The following PTPRT variants were observed in gnomAD, a reference collection of about 807,000 sequenced individuals.
The protein encoded by PTPRT is receptor-type tyrosine-protein phosphatase T.
In PTPRT, 56 loss-of-function variants were observed where a neutral mutation model predicts 176.8. The ratio of observed to expected loss-of-function variants is 0.32; its 90% CI spans 0.26 to 0.40. The LOEUF (loss-of-function observed/expected upper bound fraction) is 0.40, where lower values mean the gene tolerates loss of function less well. Among genes scored for constraint, PTPRT ranks in the 10% least tolerant of loss-of-function variants. The pLI is 1.00. For synonymous variants in PTPRT, 783 were observed against 739.0 expected (o/e 1.06, Z -0.96); for missense variants, 1,540 against 1,908.2 (o/e 0.81, Z 3.60).
chr20:42,542,868 T>C (rs929522886), intron 7 of PTPRT, among the ~76,000 whole-genome samples: 1 of 152,208 alleles, frequency 6.6e-6, no homozygotes, highest in Non-Finnish European at 1.5e-5. Context: ...TAAAAGAAGG[T>C]ACTGAACAAG....
rs117820110 is a variant in PTPRT at position 42,641,404 on chromosome 20, T to C, written c.1153+36462A>G. ...GAGTATAGGATATATTGAAGAATTA[T>C]AGGTCTGCAAGAATTGTCTTTGATG... On this transcript the variant is annotated intron_variant, in intron 7 of 30. Coordinates refer to ENST00000373187, the MANE Select transcript of PTPRT (RefSeq NM_007050.6). Among the ~76,000 whole-genome samples, 272 of 152,246 alleles carry C rather than the reference T, an allele frequency of 1.8e-3. 4 individuals carry two copies. Among genetic ancestry groups the C allele is most frequent in the East Asian group, 0.012 (63 of 5,172 alleles).
At chr20:43,107,361 GA>G (rs949120573) in intron 1 of PTPRT, among the ~76,000 whole-genome samples, 6 of 152,162 alleles carry the variant, frequency 3.9e-5, no homozygotes, top group African/African-American at 1.2e-4. Flanking sequence ...GCAAGGAAAA[GA>G]AGAAAAATAA....
At chr20:43,168,348 C>T (rs538568840) in intron 1 of PTPRT, among the ~76,000 whole-genome samples, 25 of 152,132 alleles carry the variant, frequency 1.6e-4, no homozygotes, top group Non-Finnish European at 2.2e-4. Flanking sequence ...ATAATGACAG[C>T]ACCTGGCCTG....
At chr20:42,315,085 G>A (rs1219893438) in intron 12 of PTPRT, among the ~76,000 whole-genome samples, 1 of 130,250 alleles carries the variant, frequency 7.7e-6, no homozygotes, top group Non-Finnish European at 1.7e-5. Flanking sequence ...CACAAAAATG[G>A]TTACCTTGCG....
chr20:42,930,496 T>C (rs1259694363), intron 1 of PTPRT, among the ~76,000 whole-genome samples: 2 of 152,170 alleles, frequency 1.3e-5, no homozygotes, highest in Non-Finnish European at 2.9e-5. Context: ...TAATTTTTTT[T>C]TTTAGGAATA....
intron 16 of PTPRT, among the ~76,000 whole-genome samples, chr20:42,181,318 T>G (rs766950094): frequency 3.0e-4 from 46 of 151,972 alleles, no homozygotes; most frequent in South Asian, 1.0e-3. Context: ...GGACACAAAG[T>G]GGGTCTGAAG....
At chr20:42,374,640 T>C (rs1018507145) in intron 9 of PTPRT, among the ~76,000 whole-genome samples, 2 of 151,878 alleles carry the variant, frequency 1.3e-5, no homozygotes, top group Non-Finnish European at 2.9e-5. Context: ...GAACAGGAAA[T>C]TCACCAAGAT....
chr20:42,763,618 T>C (rs2076945354), intron 5 of PTPRT, among the ~76,000 whole-genome samples: 1 of 152,250 alleles, frequency 6.6e-6, no homozygotes, highest in Non-Finnish European at 1.5e-5. Context: ...GCGTATTCTT[T>C]TCACTTCTAG....
At chr20:42,143,540 GA>G (rs1373410735) in intron 17 of PTPRT, among the ~76,000 whole-genome samples, 1 of 146,806 alleles carries the variant, frequency 6.8e-6, no homozygotes, top group African/African-American at 2.5e-5. Flanking sequence ...CTGGGCGACA[GA>G]GCGAGACTCT....
intron 1 of PTPRT, among the ~76,000 whole-genome samples, chr20:43,114,713 TA>T (rs2012989457): frequency 6.6e-6 from 1 of 152,186 alleles, no homozygotes. Flanking sequence ...AAAACATAGA[TA>T]TGGTGCTAAA....
At chr20:42,875,941 T>A (rs2078922198) in intron 2 of PTPRT, among the ~76,000 whole-genome samples, 1 of 152,216 alleles carries the variant, frequency 6.6e-6, no homozygotes, top group African/African-American at 2.4e-5. Flanking sequence ...GTTACTATAT[T>A]TCAAGTACTT....
intron 1 of PTPRT, among the ~76,000 whole-genome samples, chr20:42,902,041 C>T (rs932919655): frequency 6.6e-6 from 1 of 152,134 alleles, no homozygotes; most frequent in Admixed American, 6.5e-5. Context: ...ATTCTTCCTT[C>T]CAAAGGCCTG....
chr20:42,970,614 AAAGC>A (rs572270913), intron 1 of PTPRT, among the ~76,000 whole-genome samples: 6 of 152,208 alleles, frequency 3.9e-5, no homozygotes, highest in Non-Finnish European at 8.8e-5. Context: ...GATTGTATTT[AAAGC>A]ATTTGGAATA....
chr20:43,130,003 A>G (rs948527039), intron 1 of PTPRT, among the ~76,000 whole-genome samples: 1 of 152,224 alleles, frequency 6.6e-6, no homozygotes, highest in Non-Finnish European at 1.5e-5. Flanking sequence ...AGACACAAGG[A>G]AAGAATTTAA....
intron 7 of PTPRT, among the ~76,000 whole-genome samples, chr20:42,654,166 T>G (rs2075082203): frequency 6.6e-6 from 1 of 151,968 alleles, no homozygotes; most frequent in African/African-American, 2.4e-5. Context: ...GAAATCAGGC[T>G]AGGTTTGGTG....
chr20:42,170,898 A>G (rs1245023995), intron 16 of PTPRT, among the ~76,000 whole-genome samples: 1 of 152,200 alleles, frequency 6.6e-6, no homozygotes, highest in African/African-American at 2.4e-5. Flanking sequence ...ACAACTTAAA[A>G]ATAGAGCCTA....
intron 13 of PTPRT, among the ~76,000 whole-genome samples, chr20:42,261,096 A>G (rs2056740115): frequency 6.6e-6 from 1 of 152,168 alleles, no homozygotes; most frequent in African/African-American, 2.4e-5. Flanking sequence ...AAGGACAGAA[A>G]TTTATTCCCT....
At chr20:42,091,989 T>A (rs2425468) in intron 27 of PTPRT, among the ~76,000 whole-genome samples, 1 of 152,006 alleles carries the variant, frequency 6.6e-6, no homozygotes, top group Non-Finnish European at 1.5e-5. Context: ...AGTCTTGGGG[T>A]GGGAGGCAAG....
At chr20:42,268,746 C>T (rs1038071306) in intron 13 of PTPRT, among the ~76,000 whole-genome samples, 1 of 152,186 alleles carries the variant, frequency 6.6e-6, no homozygotes, top group Non-Finnish European at 1.5e-5. Context: ...GATGAAATTC[C>T]TGTGGTGTTG....
Sources: allele counts gnomAD v4.1 joint callset (sites outside exome capture counted in the v4.1 genomes callset), GRCh38; gene constraint gnomAD v4.1.1; transcripts MANE v1.5; gene names NCBI Gene and HGNC (gene_info 2026-07-23, HGNC 2026-07-21).